Variants in CNIH3 observed in about 807,000 individuals in gnomAD.
CNIH3 encodes the protein cornichon family AMPA receptor auxiliary protein 3, also known as protein cornichon homolog 3.
CNIH3 carries 14 observed loss-of-function variants against 24.1 expected under a neutral mutation model. The observed-to-expected ratio is 0.58, with a 90% CI of 0.38 to 0.91. The LOEUF (loss-of-function observed/expected upper bound fraction) is 0.91, where lower values mean the gene tolerates loss of function less well. CNIH3 is among the 40% of genes least tolerant of loss of function. The pLI is 0.00. For missense variants in CNIH3, 178 were observed against 196.8 expected (o/e 0.90, Z 0.57); for synonymous variants, 68 against 73.8 (o/e 0.92, Z 0.40).
intron 1 of CNIH3, among the ~76,000 whole-genome samples, chr1:224,631,154 C>T (rs1683801791): frequency 6.6e-6 from 1 of 152,032 alleles, no homozygotes; most frequent in African/African-American, 2.4e-5. Flanking sequence ...CAGAGTGAGA[C>T]TCCACCTCAA....
intron 1 of CNIH3, among the ~76,000 whole-genome samples, chr1:224,444,489 G>T (rs982316303): frequency 1.3e-5 from 2 of 152,058 alleles, no homozygotes; most frequent in African/African-American, 4.8e-5. Flanking sequence ...CTCCCAAGCA[G>T]CTGGCTTGTG....
At chr1:224,621,411 C>T (rs1331555295) in intron 1 of CNIH3, among the ~76,000 whole-genome samples, 1 of 152,142 alleles carries the variant, frequency 6.6e-6, no homozygotes, top group Non-Finnish European at 1.5e-5. Context: ...TGGTAGGATG[C>T]TTGGGGTTGA....
chr1:224,477,717 G>A (rs1252661000), intron 1 of CNIH3, among the ~76,000 whole-genome samples: 1 of 152,142 alleles, frequency 6.6e-6, no homozygotes, highest in Non-Finnish European at 1.5e-5. Context: ...CAGTGTTAAT[G>A]ACATTCTGTG....
chr1:224,681,781 T>C (rs536107404), intron 2 of CNIH3, among the ~76,000 whole-genome samples: 1 of 152,310 alleles, frequency 6.6e-6, no homozygotes, highest in East Asian at 1.9e-4. Context: ...CAACCCTGTA[T>C]GTGGACAGAG....
intron 1 of CNIH3, among the ~76,000 whole-genome samples, chr1:224,479,629 C>T (rs927263009): frequency 1.3e-5 from 2 of 152,216 alleles, no homozygotes; most frequent in Admixed American, 6.5e-5. Context: ...AAATAGGAGA[C>T]ATTGGCCAAA....
chr1:224,702,782 G>A (rs1687570727), intron 3 of CNIH3, among the ~76,000 whole-genome samples: 1 of 152,182 alleles, frequency 6.6e-6, no homozygotes, highest in African/African-American at 2.4e-5. Flanking sequence ...CTGCCAAGGT[G>A]GAGACTTCTA....
upstream of CNIH3, among the ~76,000 whole-genome samples, chr1:224,512,288 G>A (rs1359497664): frequency 6.6e-6 from 1 of 152,010 alleles, no homozygotes; most frequent in Non-Finnish European, 1.5e-5. Context: ...TTTGAGACTA[G>A]CCTGGGCAAG....
intron 4 of CNIH3, among the ~76,000 whole-genome samples, chr1:224,567,219 G>A (rs1267158237): frequency 1.3e-5 from 2 of 152,190 alleles, no homozygotes; most frequent in East Asian, 3.9e-4. Flanking sequence ...GGGTTTGTTT[G>A]TTTTTTTCTT....
chr1:224,730,792 C>G, intron 4 of CNIH3: 2 of 491,438 alleles, frequency 4.1e-6, no homozygotes, highest in South Asian at 7.2e-5. Context: ...AACCCCATCC[C>G]TTGTAGGTCA....
chr1:224,480,848 C>T (rs1404196116), intron 1 of CNIH3, among the ~76,000 whole-genome samples: 1 of 152,242 alleles, frequency 6.6e-6, no homozygotes, highest in Non-Finnish European at 1.5e-5. Flanking sequence ...TTCCTGTCTT[C>T]TGAGACCTTC....
intron 1 of CNIH3, among the ~76,000 whole-genome samples, chr1:224,487,912 T>A (rs1454151261): frequency 1.3e-5 from 2 of 152,192 alleles, no homozygotes. Flanking sequence ...TCTTTATTGT[T>A]TCTTTAAAAA....
At chr1:224,699,286 CA>C (rs1457612607) in intron 3 of CNIH3, among the ~76,000 whole-genome samples, 1 of 152,164 alleles carries the variant, frequency 6.6e-6, no homozygotes, top group Non-Finnish European at 1.5e-5. Flanking sequence ...AAGTTTTGAC[CA>C]AAGGCATTGT....
In CNIH3 at chr1:224,458,772, C is replaced by T. The variant is rs1207276388; in HGVS notation, n.203+23910C>T. On this transcript the variant is annotated intron_variant and non_coding_transcript_variant, in intron 1 of 5. Coordinates refer to the CNIH3 transcript ENST00000471578. This position sits in a 1 kb window ranked among gnomAD's most constrained non-coding sequence, Gnocchi z 4.3. ...CATGGGTATCAGACACACTGGGTAG[C>T]TGAGTGCTCAGAGGAAGATGCGAGG... Among the ~76,000 whole-genome samples the T allele has an allele frequency of 6.6e-6, 1 of 152,192 alleles. No individual in the cohort carries two copies. Among genetic ancestry groups the T allele is most frequent in the Non-Finnish European group, 1.5e-5 (1 of 68,036 alleles).
chr1:224,695,357 AACACACACAC>A (rs56245587), intron 3 of CNIH3, among the ~76,000 whole-genome samples: 5,223 of 145,800 alleles, frequency 0.036, 155 homozygotes, highest in African/African-American at 0.081. Flanking sequence ...TCTCTTTCTA[AACACACACAC>A]ACACACACAC....
chr1:224,680,846 C>A (rs572836488), intron 1 of CNIH3, 112 bp from the exon 2 acceptor site: 2 of 791,138 alleles, frequency 2.5e-6, no homozygotes, highest in East Asian at 2.5e-5. Context: ...CTCATGCCAT[C>A]TACAGCCTCT....
intron 4 of CNIH3, among the ~76,000 whole-genome samples, chr1:224,582,734 CAT>C (rs1479309939): frequency 1.3e-5 from 2 of 152,124 alleles, no homozygotes; most frequent in African/African-American, 2.4e-5. Context: ...TGAGACCTGC[CAT>C]ATGGAGGACT....
intron 1 of CNIH3, among the ~76,000 whole-genome samples, chr1:224,451,945 G>C (rs1016990939): frequency 1.3e-5 from 2 of 152,112 alleles, no homozygotes. Context: ...CAGATGGTTG[G>C]CGTTCATAGT....
rs552397568 is a variant in CNIH3, at chr1:224,616,768, C to T, written c.-407C>T. ...TCCTCAGCGGTTTAGTGGAGAAAAG[C>T]AGAGAGCTCTTCCTGGGGCGAATGG... On this transcript the variant is annotated 5_prime_UTR_variant, in exon 1 of 6. Coordinates refer to ENST00000272133, the MANE Select transcript of CNIH3 (RefSeq NM_152495.2). 4.5e-4 allele frequency: 457 copies of T among 1,026,112 alleles called. No homozygotes were observed. Among genetic ancestry groups the T allele is most frequent in the Non-Finnish European group, 5.1e-4 (441 of 856,616 alleles). 63.6% of individuals were successfully genotyped at this position (1,026,112 alleles called of 1,614,324 possible).
At chr1:224,652,575 T>C (rs1399273326) in intron 1 of CNIH3, among the ~76,000 whole-genome samples, 1 of 152,048 alleles carries the variant, frequency 6.6e-6, no homozygotes, top group Non-Finnish European at 1.5e-5. Flanking sequence ...AGGCAAGAGC[T>C]AAGTGGAGCG....
Sources: gnomAD v4.1 joint callset for allele counts (sites outside exome capture counted in the v4.1 genomes callset) on GRCh38, gnomAD v4.1.1 for gene constraint, Gnocchi (gnomAD v3.1) non-coding constraint, MANE v1.5 for transcripts, NCBI Gene and HGNC (gene_info 2026-07-23, HGNC 2026-07-21) for gene names.